WLS: variants seen among roughly 807,000 people sequenced by gnomAD.
WLS encodes Wnt ligand secretion mediator, also known as protein wntless homolog.
WLS carries 23 observed loss-of-function variants against 62.8 expected under a neutral mutation model. The ratio of observed to expected loss-of-function variants is 0.37; its 90% confidence interval spans 0.26 to 0.52. The LOEUF (loss-of-function observed/expected upper bound fraction) is 0.52, where lower values mean the gene tolerates loss of function less well. WLS is among the 20% of genes least tolerant of loss of function. The pLI is 0.92. For missense variants in WLS, 615 were observed against 697.3 expected (o/e 0.88, Z 1.33); for synonymous variants, 246 against 244.1 (o/e 1.01, Z -0.07).
Position 68,131,292 on chromosome 1 carries a change from G to T in WLS, c.1517-4957C>A, listed in dbSNP as rs571973282. On this transcript the variant is annotated intron_variant, in intron 11 of 11. Coordinates refer to ENST00000262348, the MANE Select transcript of WLS (RefSeq NM_024911.7). ...TGCTCAAAACACCCATGAAAGATTT[G>T]CCTGGTGCAGGCAAGGGCAGTTCCT... is the stretch of plus-strand genomic sequence containing the variant. Among the ~76,000 whole-genome samples, 4 of 151,114 alleles carry T rather than the reference G, an allele frequency of 2.6e-5. No individual in the cohort carries two copies. In the South Asian group the frequency reaches 8.6e-4, roughly 32 times the overall value.
At chr1:68,122,945 G>A (rs1217434522), downstream of WLS, among the ~76,000 whole-genome samples, 4 of 152,180 alleles carry the variant, frequency 2.6e-5, no homozygotes, top group Non-Finnish European at 4.4e-5. Flanking sequence ...GGATGAAAGT[G>A]TCTTTTCACT....
In WLS at chr1:68,152,962, G is replaced by A. The variant is rs556332171; in HGVS notation, c.803+555C>T. ...TCTGATTCTGACCACGGAATATCCC[G>A]AAGAGCAAAGACAGGTTAAAGAACC... On this transcript the variant is annotated intron_variant, in intron 5 of 11. Transcript: ENST00000262348. Among the ~76,000 whole-genome samples the A allele has an allele frequency of 7.9e-5, 12 of 152,228 alleles. No individual in the cohort carries two copies. In the South Asian group the frequency reaches 1.9e-3, roughly 24 times the overall value.
intron 2 of WLS, chr1:68,161,752 T>C (rs1646977517): frequency 2.5e-6 from 4 of 1,589,312 alleles, no homozygotes; most frequent in Non-Finnish European, 3.4e-6. Context: ...CGGCATTCTC[T>C]GCTATTGCTC....
chr1:68,110,657 G>GTGTC (rs1192828317), intron 11 of WLS, among the ~76,000 whole-genome samples: 8 of 113,970 alleles, frequency 7.0e-5, no homozygotes, highest in African/African-American at 2.3e-4. Context: ...AAAAATCTCT[G>GTGTC]TCTCTCTCTC....
At chr1:68,131,992 G>A (rs748726802) in intron 11 of WLS, among the ~76,000 whole-genome samples, 7 of 152,228 alleles carry the variant, frequency 4.6e-5, no homozygotes, top group Non-Finnish European at 1.0e-4. Context: ...ACAAGCTTCT[G>A]TTGTTTAGGA....
At chr1:68,122,799 ACTT>A (rs1557455305), downstream of WLS, among the ~76,000 whole-genome samples, 1 of 151,984 alleles carries the variant, frequency 6.6e-6, no homozygotes, top group Non-Finnish European at 1.5e-5. Flanking sequence ...TGAAATGGAG[ACTT>A]CTTTAGTGAA....
At chr1:68,109,848 C>A (rs1646198106) in intron 11 of WLS, among the ~76,000 whole-genome samples, 1 of 151,588 alleles carries the variant, frequency 6.6e-6, no homozygotes, top group South Asian at 2.1e-4. Context: ...CAAGAATGGG[C>A]AAAATATGAG....
intron 3 of WLS, among the ~76,000 whole-genome samples, chr1:68,158,689 C>T (rs891611456): frequency 3.9e-5 from 6 of 152,266 alleles, no homozygotes; most frequent in East Asian, 1.9e-4. Context: ...GCATGCGGCC[C>T]GCAGGCAGAG....
intron 4 of WLS, among the ~76,000 whole-genome samples, chr1:68,153,967 A>C (rs1646862079): frequency 6.6e-6 from 1 of 152,134 alleles, no homozygotes; most frequent in Non-Finnish European, 1.5e-5. Flanking sequence ...CAGGGTCACT[A>C]TTTCCAAGAG....
intron 2 of WLS, among the ~76,000 whole-genome samples, chr1:68,171,626 C>A (rs1219586478): frequency 6.6e-6 from 1 of 152,152 alleles, no homozygotes; most frequent in Non-Finnish European, 1.5e-5. Context: ...CCATCTCATG[C>A]CAGTTAGAAT....
intron 2 of WLS, among the ~76,000 whole-genome samples, chr1:68,191,963 C>T (rs17483848): frequency 2.0e-5 from 3 of 152,168 alleles, no homozygotes; most frequent in Non-Finnish European, 2.9e-5. Context: ...TGCTGTGAAG[C>T]CTTTTCTTTA....
chr1:68,155,401 A>C lies in WLS; in HGVS notation c.505-141T>G, dbSNP rs1646882822. ...CTTTAGACGTACAGAGTAACAATGC[A>C]TACTGGAGGCATGGCGTCTACCCAG... On this transcript the variant is annotated intron_variant, in intron 3 of 11. Transcript: ENST00000262348. 3.1e-6 allele frequency: 3 copies of C among 982,108 alleles called. No homozygotes were observed. The South Asian group carries it at 7.4e-5, about 24-fold the overall frequency. The allele number at this position is 982,108 out of a possible 1,614,324, so 60.8% of individuals were successfully genotyped here. A position where few individuals can be genotyped will look rare whatever the true frequency, so the allele number is the denominator to read the frequency against.
intron 2 of WLS, among the ~76,000 whole-genome samples, chr1:68,159,865 T>C (rs532795317): frequency 5.2e-4 from 79 of 152,332 alleles, no homozygotes; most frequent in African/African-American, 1.9e-3. Flanking sequence ...CAAAGTGTTT[T>C]TCCAAAATTA....
chr1:68,126,492 C>T (rs1337855478), intron 11 of WLS, among the ~76,000 whole-genome samples, 157 bp from the exon 12 acceptor site: 1 of 152,150 alleles, frequency 6.6e-6, no homozygotes, highest in Non-Finnish European at 1.5e-5. Context: ...GGACTAACTC[C>T]AAACCTGTTC....
chr1:68,168,323 A>T (rs142205999), intron 2 of WLS, among the ~76,000 whole-genome samples: 1 of 152,222 alleles, frequency 6.6e-6, no homozygotes, highest in African/African-American at 2.4e-5. Context: ...CCCAGCCAGG[A>T]TAGTACAAAG....
At chr1:68,179,562 G>A (rs1458992870) in intron 2 of WLS, among the ~76,000 whole-genome samples, 1 of 152,202 alleles carries the variant, frequency 6.6e-6, no homozygotes, top group East Asian at 1.9e-4. Context: ...TTGTTTGCAA[G>A]TAACAGGACT....
intron 11 of WLS, chr1:68,117,750 T>C (rs1005720255): frequency 2.0e-5 from 3 of 152,296 alleles, no homozygotes; most frequent in African/African-American, 7.2e-5. Context: ...CCCGGGGAGC[T>C]TCTGGGTCTT....
At chr1:68,202,833 C>T (rs556575383) in intron 1 of WLS, 1 of 152,156 alleles carries the variant, frequency 6.6e-6, no homozygotes, top group African/African-American at 2.4e-5. Context: ...TCAGAGCCCC[C>T]ATGGAGGCCC....
At chr1:68,112,083 G>C (rs572099749) in intron 11 of WLS, among the ~76,000 whole-genome samples, 2 of 152,202 alleles carry the variant, frequency 1.3e-5, no homozygotes, top group South Asian at 4.1e-4. Flanking sequence ...GAAAACATTC[G>C]CTGGCTGTGG....
Sources: allele counts gnomAD v4.1 joint callset (sites outside exome capture counted in the v4.1 genomes callset), GRCh38; gene constraint gnomAD v4.1.1; transcripts MANE v1.5; gene names NCBI Gene and HGNC (gene_info 2026-07-23, HGNC 2026-07-21).